The following CA8 variants were observed in gnomAD, a reference collection of about 807,000 sequenced individuals.
CA8 encodes carbonic anhydrase-related protein.
Under a neutral mutation model 41.4 loss-of-function variants are expected in CA8, and 22 were observed. That is an observed-to-expected ratio of 0.53 (90% CI 0.38 to 0.76). CA8 has a LOEUF of 0.76. Ranked by LOEUF, CA8 falls within the 30% of genes least tolerant of loss-of-function variation. CA8 has a pLI of 0.00. For missense variants in CA8, 270 were observed against 352.8 expected (o/e 0.77, Z 1.88); for synonymous variants, 121 against 130.6 (o/e 0.93, Z 0.50).
At chr8:60,244,079 T>C (rs1216822485) in intron 3 of CA8, among the ~76,000 whole-genome samples, 1 of 152,188 alleles carries the variant, frequency 6.6e-6, no homozygotes, top group Non-Finnish European at 1.5e-5. Flanking sequence ...TCGGACTGTG[T>C]CTTTGTCTTC....
At chr8:60,264,308 T>C (rs1361320310) in intron 3 of CA8, among the ~76,000 whole-genome samples, 2 of 152,222 alleles carry the variant, frequency 1.3e-5, no homozygotes, top group African/African-American at 2.4e-5. Context: ...CCTAGAACTT[T>C]TGTTACTAGA....
chr8:60,245,486 A>G (rs1808196869), intron 3 of CA8, among the ~76,000 whole-genome samples: 1 of 152,178 alleles, frequency 6.6e-6, no homozygotes, highest in Non-Finnish European at 1.5e-5. Context: ...TGCACAAAGA[A>G]CCATTCTTTA....
At chr8:60,200,364 G>T (rs1325719271) in intron 8 of CA8, among the ~76,000 whole-genome samples, 1 of 152,158 alleles carries the variant, frequency 6.6e-6, no homozygotes, top group Non-Finnish European at 1.5e-5. Flanking sequence ...CCCCAATAAG[G>T]GGGTCTGGGT....
At chr8:60,215,986 A>C (rs944816220) in intron 7 of CA8, among the ~76,000 whole-genome samples, 3 of 152,252 alleles carry the variant, frequency 2.0e-5, no homozygotes, top group Non-Finnish European at 4.4e-5. Context: ...TATGGTATAG[A>C]AGAAAACACT....
At chr8:60,210,228 C>G (rs1806785088) in intron 7 of CA8, among the ~76,000 whole-genome samples, 4 of 152,122 alleles carry the variant, frequency 2.6e-5, no homozygotes. Flanking sequence ...CTTCACATAC[C>G]CCAGGGTATT....
At chr8:60,222,174 G>A (rs1807274092) in intron 7 of CA8, among the ~76,000 whole-genome samples, 1 of 152,150 alleles carries the variant, frequency 6.6e-6, no homozygotes, top group Admixed American at 6.5e-5. Flanking sequence ...GGCCGGGGGT[G>A]GGCGACCAAA....
chr8:60,277,677 T>G (rs1804285043), intron 2 of CA8, among the ~76,000 whole-genome samples: 1 of 152,200 alleles, frequency 6.6e-6, no homozygotes, highest in Non-Finnish European at 1.5e-5. Flanking sequence ...TTGTATATAT[T>G]CTATTTTGAT....
At chr8:60,205,938 G>A (rs1806562204) in intron 8 of CA8, among the ~76,000 whole-genome samples, 1 of 152,124 alleles carries the variant, frequency 6.6e-6, no homozygotes, top group South Asian at 2.1e-4. Context: ...AAGTCTGACT[G>A]TCAAATCATT....
intron 2 of CA8, among the ~76,000 whole-genome samples, chr8:60,271,496 A>G (rs1487332580): frequency 6.6e-6 from 1 of 152,248 alleles, no homozygotes; most frequent in Non-Finnish European, 1.5e-5. Flanking sequence ...GGTTGCCAAG[A>G]AACACTGTTA....
chr8:60,211,980 A>G (rs985355598), intron 7 of CA8, among the ~76,000 whole-genome samples: 8 of 152,248 alleles, frequency 5.3e-5, no homozygotes, highest in Non-Finnish European at 1.0e-4. Context: ...TATCACATAT[A>G]TCTGAATGTA....
At chr8:60,223,550 G>T (rs1807322170) in intron 6 of CA8, among the ~76,000 whole-genome samples, 1 of 152,204 alleles carries the variant, frequency 6.6e-6, no homozygotes, top group African/African-American at 2.4e-5. Context: ...CTCCCAAAGT[G>T]TTGGGATTAC....
chr8:60,248,812 A>C (rs1808344004), intron 3 of CA8, among the ~76,000 whole-genome samples: 1 of 152,142 alleles, frequency 6.6e-6, no homozygotes, highest in Admixed American at 6.5e-5. Flanking sequence ...TTTAATGGGA[A>C]TAGCATTATA....
chr8:60,280,779 G>A (rs1364651594), intron 1 of CA8, among the ~76,000 whole-genome samples: 1 of 152,258 alleles, frequency 6.6e-6, no homozygotes, highest in Non-Finnish European at 1.5e-5. Context: ...CCCGCCCTCC[G>A]GACCGCAGCA....
At chr8:60,222,933 T>G (rs937281952) in intron 6 of CA8, among the ~76,000 whole-genome samples, 172 bp from the exon 7 acceptor site, 1 of 152,364 alleles carries the variant, frequency 6.6e-6, no homozygotes, top group East Asian at 1.9e-4. Flanking sequence ...GAGAAAATAA[T>G]TGATAAAAAG....
intron 3 of CA8, among the ~76,000 whole-genome samples, chr8:60,259,311 T>G (rs970914255): frequency 1.3e-5 from 2 of 152,232 alleles, no homozygotes; most frequent in Non-Finnish European, 2.9e-5. Flanking sequence ...ATCTATAACC[T>G]TACCCATACA....
intron 8 of CA8, among the ~76,000 whole-genome samples, chr8:60,195,678 A>G (rs769112065): frequency 5.3e-5 from 8 of 152,142 alleles, no homozygotes; most frequent in African/African-American, 9.7e-5. Context: ...TGATTTACCC[A>G]TGACACTAGG....
At chr8:60,228,842 T>C (rs1807536307) in intron 4 of CA8, among the ~76,000 whole-genome samples, 1 of 152,214 alleles carries the variant, frequency 6.6e-6, no homozygotes, top group Admixed American at 6.5e-5. Context: ...AGACTCTACT[T>C]TATGGGCAAA....
In CA8 at chr8:60,245,829, A is replaced by G. The variant is rs918074565; in HGVS notation, c.418-13450T>C. Among the ~76,000 whole-genome samples, 4 of 152,224 alleles carry G rather than the reference A, an allele frequency of 2.6e-5. No individual in the cohort carries two copies. In the East Asian group the frequency reaches 5.8e-4, roughly 22 times the overall value. ...ACCAAAAAAGCTCAACAATTCAGAT[A>G]GGAAATTTTACCTGTGTTTACAAGG... On this transcript the variant is annotated intron_variant, in intron 3 of 8. Coordinates refer to ENST00000317995, the MANE Select transcript of CA8 (RefSeq NM_004056.6).
chr8:60,276,793 G>A (rs540506968), intron 2 of CA8, among the ~76,000 whole-genome samples: 1 of 152,088 alleles, frequency 6.6e-6, no homozygotes, highest in Admixed American at 6.5e-5. Flanking sequence ...GCGATAATAC[G>A]AGAGTGAAAT....
Sources: gnomAD v4.1 joint callset for allele counts (sites outside exome capture counted in the v4.1 genomes callset) on GRCh38, gnomAD v4.1.1 for gene constraint, MANE v1.5 for transcripts, NCBI Gene and HGNC (gene_info 2026-07-23, HGNC 2026-07-21) for gene names.